The following BRINP3 variants were observed in gnomAD, a reference collection of about 807,000 sequenced individuals.
BRINP3 encodes the protein BMP/retinoic acid inducible neural specific 3.
A neutral mutation model predicts 71.0 loss-of-function variants in BRINP3; 19 were observed. The ratio of observed to expected loss-of-function variants is 0.27; its 90% confidence interval spans 0.19 to 0.39. BRINP3 has a LOEUF of 0.39. BRINP3 is among the 10% of genes least tolerant of loss of function. The pLI is 1.00. For missense variants in BRINP3, 959 were observed against 940.8 expected, an observed-to-expected ratio of 1.02 and a Z score of -0.25; for synonymous variants, 380 against 337.7, an observed-to-expected ratio of 1.13 and a Z score of -1.37.
intron 7 of BRINP3, among the ~76,000 whole-genome samples, chr1:190,146,875 G>A (rs1655934902): frequency 6.6e-6 from 1 of 151,824 alleles, no homozygotes; most frequent in South Asian, 2.1e-4. Context: ...TATTAATTTA[G>A]TGGAAAATAT....
At chr1:190,271,155 G>C (rs569990663) in intron 3 of BRINP3, among the ~76,000 whole-genome samples, 1 of 151,554 alleles carries the variant, frequency 6.6e-6, no homozygotes, top group Non-Finnish European at 1.5e-5. Flanking sequence ...ATATGTTGTT[G>C]AACAGAAGAG....
intron 2 of BRINP3, among the ~76,000 whole-genome samples, chr1:190,288,926 A>C (rs142718905): frequency 2.2e-3 from 330 of 152,072 alleles, no homozygotes; most frequent in African/African-American, 7.4e-3. Flanking sequence ...TAATGAAAAA[A>C]TAATGTTTGC....
chr1:190,326,317 A>T (rs551407362), intron 2 of BRINP3, among the ~76,000 whole-genome samples: 2 of 152,216 alleles, frequency 1.3e-5, no homozygotes, highest in Admixed American at 1.3e-4. Context: ...AATTATTGGC[A>T]TTCCTGAGAG....
chr1:190,379,795 C>T (rs1392954430), intron 2 of BRINP3, among the ~76,000 whole-genome samples: 3 of 151,576 alleles, frequency 2.0e-5, no homozygotes, highest in East Asian at 1.9e-4. Flanking sequence ...GTCAGGAGTC[C>T]GAGACCAGCC....
At chr1:190,426,246 A>G (rs758573498) in intron 2 of BRINP3, among the ~76,000 whole-genome samples, 4 of 151,762 alleles carry the variant, frequency 2.6e-5, no homozygotes, top group Non-Finnish European at 5.9e-5. Context: ...TGCAAATACT[A>G]TGCCATTTTA....
intron 2 of BRINP3, among the ~76,000 whole-genome samples, chr1:190,295,087 C>A (rs954720052): frequency 2.0e-5 from 3 of 152,054 alleles, no homozygotes; most frequent in Non-Finnish European, 4.4e-5. Flanking sequence ...GCCTCTTTGA[C>A]CAGCACAGTG....
chr1:190,264,295 C>A (rs1432934447), intron 4 of BRINP3, among the ~76,000 whole-genome samples: 1 of 152,044 alleles, frequency 6.6e-6, no homozygotes, highest in Non-Finnish European at 1.5e-5. Context: ...AGTCAAATGA[C>A]TTTAGTGAAC....
At chr1:190,337,037 C>T (rs74129298) in intron 2 of BRINP3, among the ~76,000 whole-genome samples, 1 of 151,776 alleles carries the variant, frequency 6.6e-6, no homozygotes, top group African/African-American at 2.4e-5. Flanking sequence ...ACTAAACTAA[C>T]CTGAGGCATC....
chr1:190,446,534 T>C (rs1034797322), intron 2 of BRINP3, among the ~76,000 whole-genome samples: 2 of 152,102 alleles, frequency 1.3e-5, no homozygotes, highest in African/African-American at 4.8e-5. Context: ...TTCTTAGATA[T>C]TATTTATGAA....
chr1:190,415,114 A>C (rs1167554544), intron 2 of BRINP3, among the ~76,000 whole-genome samples: 1 of 152,236 alleles, frequency 6.6e-6, no homozygotes, highest in East Asian at 1.9e-4. Context: ...AATTTGTGAT[A>C]AAGAGAACCC....
At chr1:190,350,035 G>A (rs530812796) in intron 2 of BRINP3, among the ~76,000 whole-genome samples, 73 of 152,162 alleles carry the variant, frequency 4.8e-4, no homozygotes, top group Admixed American at 9.8e-4. Flanking sequence ...AAAAGTCAGA[G>A]GCCAGAATTA....
intron 7 of BRINP3, among the ~76,000 whole-genome samples, chr1:190,111,512 C>A (rs1014836767): frequency 6.6e-6 from 1 of 152,032 alleles, no homozygotes; most frequent in Non-Finnish European, 1.5e-5. Context: ...TGATTTTGTT[C>A]AACACAATGT....
chr1:190,466,124 T>G (rs568985968), intron 1 of BRINP3, among the ~76,000 whole-genome samples: 1 of 145,870 alleles, frequency 6.9e-6, no homozygotes, highest in Non-Finnish European at 1.5e-5. Flanking sequence ...GTGTGCTCAA[T>G]TTCAGTTTTA....
At chr1:190,164,792 A>G (rs1021103949) in intron 6 of BRINP3, among the ~76,000 whole-genome samples, 2 of 151,512 alleles carry the variant, frequency 1.3e-5, no homozygotes, top group African/African-American at 2.4e-5. Context: ...GGGTCTTACC[A>G]TATTGTACAG....
chr1:190,227,094 C>G (rs1657460016), intron 5 of BRINP3, among the ~76,000 whole-genome samples: 1 of 151,748 alleles, frequency 6.6e-6, no homozygotes, highest in South Asian at 2.1e-4. Context: ...TGTCTGGCTA[C>G]TTAAGAATAC....
In BRINP3 at chr1:190,307,024, T is replaced by C. The variant is rs565552096; in HGVS notation, c.237-25274A>G. 2.6e-5 allele frequency among the ~76,000 whole-genome samples: 4 copies of C among 151,952 alleles called. No individual in the cohort carries two copies. The East Asian group carries it at 7.8e-4, about 30-fold the overall frequency. ...CTCGTGTAGTTCTGAGGAGCACATA[T>C]TGTTTAAACTCTTGAGTGTCTACTG... is the stretch of plus-strand genomic sequence containing the variant. On this transcript the variant is annotated intron_variant, in intron 2 of 7. Transcript: ENST00000367462.
chr1:190,340,231 G>A (rs1667565534), intron 2 of BRINP3, among the ~76,000 whole-genome samples: 1 of 151,874 alleles, frequency 6.6e-6, no homozygotes, highest in African/African-American at 2.4e-5. Context: ...ACAGGTAGTG[G>A]TTTTACTGAC....
At chr1:190,308,684 TAAACA>T (rs1010796899) in intron 2 of BRINP3, among the ~76,000 whole-genome samples, 6 of 152,072 alleles carry the variant, frequency 3.9e-5, no homozygotes, top group Non-Finnish European at 5.9e-5. Context: ...TTAAAACAAC[TAAACA>T]ATAGACATAT....
chr1:190,206,940 T>C (rs185952424), intron 6 of BRINP3, among the ~76,000 whole-genome samples: 79 of 151,218 alleles, frequency 5.2e-4, no homozygotes, highest in African/African-American at 1.9e-3. Flanking sequence ...GAATAAATAT[T>C]TCAGCACAAG....
Sources: allele counts gnomAD v4.1 joint callset (sites outside exome capture counted in the v4.1 genomes callset), GRCh38; gene constraint gnomAD v4.1.1; transcripts MANE v1.5; gene names NCBI Gene and HGNC (gene_info 2026-07-23, HGNC 2026-07-21).